LRRTM3: variants seen among roughly 807,000 people sequenced by gnomAD.
LRRTM3 encodes leucine-rich repeat transmembrane neuronal protein 3.
Under a neutral mutation model 44.7 loss-of-function variants are expected in LRRTM3, and 24 were observed. That is an observed-to-expected ratio of 0.54 (90% CI 0.39 to 0.76). LRRTM3 has a LOEUF of 0.76. Among genes scored for constraint, LRRTM3 ranks in the 30% least tolerant of loss-of-function variants. LRRTM3 has a pLI of 0.00. For missense variants in LRRTM3, 587 were observed against 702.2 expected, an observed-to-expected ratio of 0.84 and a Z score of 1.85; for synonymous variants, 277 against 278.7, an observed-to-expected ratio of 0.99 and a Z score of 0.06.
intron 2 of LRRTM3, among the ~76,000 whole-genome samples, chr10:66,998,862 G>A (rs938362536): frequency 6.6e-6 from 1 of 152,022 alleles, no homozygotes; most frequent in Non-Finnish European, 1.5e-5. Context: ...TTGTTCCAAT[G>A]GCTATATGTA....
At chr10:66,967,839 A>C (rs1169115803) in intron 2 of LRRTM3, among the ~76,000 whole-genome samples, 1 of 152,096 alleles carries the variant, frequency 6.6e-6, no homozygotes, top group Non-Finnish European at 1.5e-5. Flanking sequence ...CGAAAGGTTC[A>C]ATTCTACAAC....
intron 2 of LRRTM3, among the ~76,000 whole-genome samples, chr10:67,011,670 G>A (rs80219083): frequency 0.014 from 2,146 of 152,170 alleles, 47 homozygotes; most frequent in African/African-American, 0.043. Flanking sequence ...TAATGATGAC[G>A]ATAGCAAATA....
chr10:67,005,325 G>A (rs1397169357), intron 2 of LRRTM3, among the ~76,000 whole-genome samples: 2 of 152,084 alleles, frequency 1.3e-5, no homozygotes, highest in Non-Finnish European at 2.9e-5. Context: ...CATAATTGAA[G>A]GGAGAAAACA....
chr10:66,942,116 T>C (rs1848029919), intron 2 of LRRTM3, among the ~76,000 whole-genome samples: 1 of 152,166 alleles, frequency 6.6e-6, no homozygotes, highest in African/African-American at 2.4e-5. Context: ...TGAGGATAAA[T>C]TGAGATAACA....
In LRRTM3 at chr10:66,939,534, A is replaced by T. The variant is rs939955284; in HGVS notation, c.1536+11082A>T. ...CTCTTTTGTTTGGGCCTATAAATGAAGAACTATAATTTTGTAAATTATAGT... is the reference window on the plus strand; with the variant it reads ...CTCTTTTGTTTGGGCCTATAAATGATGAACTATAATTTTGTAAATTATAGT... On this transcript the variant is annotated intron_variant, in intron 2 of 2. Coordinates refer to ENST00000361320, the MANE Select transcript of LRRTM3 (RefSeq NM_178011.5). 3.9e-5 allele frequency among the ~76,000 whole-genome samples: 6 copies of T among 152,208 alleles called. No homozygotes were observed. In the East Asian group the frequency reaches 9.6e-4, roughly 24 times the overall value.
intron 2 of LRRTM3, among the ~76,000 whole-genome samples, chr10:66,972,737 G>A (rs1405321228): frequency 7.9e-6 from 1 of 127,044 alleles, no homozygotes; most frequent in Non-Finnish European, 1.6e-5. Flanking sequence ...ATGAAATGGA[G>A]TCTGGCTCTG....
At chr10:67,028,164 G>A (rs1409565105) in intron 2 of LRRTM3, among the ~76,000 whole-genome samples, 1 of 152,084 alleles carries the variant, frequency 6.6e-6, no homozygotes, top group East Asian at 1.9e-4. Context: ...AACTTTATAT[G>A]GAGCCCAACC....
At chr10:66,982,822 T>C (rs1850516371) in intron 2 of LRRTM3, among the ~76,000 whole-genome samples, 1 of 152,094 alleles carries the variant, frequency 6.6e-6, no homozygotes, top group Non-Finnish European at 1.5e-5. Context: ...TAAGATATTA[T>C]GAGAACATTA....
chr10:66,984,489 ATC>A, intron 2 of LRRTM3, among the ~76,000 whole-genome samples: 1 of 152,278 alleles, frequency 6.6e-6, no homozygotes, highest in Middle Eastern at 3.4e-3. Context: ...AGGAAATAAA[ATC>A]TGTGTTTCTT....
chr10:66,949,949 A>C (rs1024420713), intron 2 of LRRTM3, among the ~76,000 whole-genome samples: 5 of 152,180 alleles, frequency 3.3e-5, no homozygotes, highest in African/African-American at 1.2e-4. Context: ...AAAACTTGTC[A>C]CTTCACAGCT....
At chr10:66,978,313 G>A (rs1157427714) in intron 2 of LRRTM3, among the ~76,000 whole-genome samples, 2 of 151,634 alleles carry the variant, frequency 1.3e-5, no homozygotes, top group African/African-American at 4.8e-5. Context: ...ATTACTTGAG[G>A]TCAGGAGTTC....
intron 2 of LRRTM3, among the ~76,000 whole-genome samples, chr10:67,095,690 G>A (rs995245222): frequency 6.6e-6 from 1 of 151,684 alleles, no homozygotes; most frequent in Non-Finnish European, 1.5e-5. Context: ...GCATATATGA[G>A]GCATAAGTTT....
chr10:66,929,816 C>T (rs1017501088), intron 2 of LRRTM3, among the ~76,000 whole-genome samples: 1 of 152,148 alleles, frequency 6.6e-6, no homozygotes, highest in Non-Finnish European at 1.5e-5. Context: ...TCATAGCTTC[C>T]ATATTTGAGT....
intron 2 of LRRTM3, among the ~76,000 whole-genome samples, chr10:67,062,935 T>G (rs1350804452): frequency 6.6e-6 from 1 of 152,156 alleles, no homozygotes; most frequent in East Asian, 1.9e-4. Flanking sequence ...TTCCTGCAGT[T>G]TTTTTAGCTC....
chr10:67,059,311 T>C (rs913795304), intron 2 of LRRTM3, among the ~76,000 whole-genome samples: 1 of 152,222 alleles, frequency 6.6e-6, no homozygotes, highest in African/African-American at 2.4e-5. Flanking sequence ...ATGTCAAAAA[T>C]GGTAGAGACT....
chr10:67,007,224 C>T (rs992799703), intron 2 of LRRTM3, among the ~76,000 whole-genome samples: 1 of 152,176 alleles, frequency 6.6e-6, no homozygotes, highest in African/African-American at 2.4e-5. Context: ...TCCTGTTTAG[C>T]ATCAACACAT....
chr10:66,989,521 G>C (rs1850925471), intron 2 of LRRTM3, among the ~76,000 whole-genome samples: 1 of 152,014 alleles, frequency 6.6e-6, no homozygotes, highest in Non-Finnish European at 1.5e-5. Context: ...ATATATGTTT[G>C]GTCATGTGGG....
intron 2 of LRRTM3, among the ~76,000 whole-genome samples, chr10:66,985,130 A>G (rs538663691): frequency 7.8e-4 from 119 of 152,274 alleles, no homozygotes; most frequent in African/African-American, 2.5e-3. Flanking sequence ...CAAGACTAAC[A>G]TTATCTAATA....
At chr10:67,029,579 T>C (rs1158461738) in intron 2 of LRRTM3, among the ~76,000 whole-genome samples, 1 of 152,228 alleles carries the variant, frequency 6.6e-6, no homozygotes, top group African/African-American at 2.4e-5. Context: ...AGTTTTAACA[T>C]TGTATTATTT....
Sources: allele counts gnomAD v4.1 joint callset (sites outside exome capture counted in the v4.1 genomes callset), GRCh38; gene constraint gnomAD v4.1.1; transcripts MANE v1.5; gene names NCBI Gene and HGNC (gene_info 2026-07-23, HGNC 2026-07-21).